GPI: variants seen among roughly 807,000 people sequenced by gnomAD.
GPI encodes the protein glucose-6-phosphate isomerase, also known as D-hexose-6-phosphate anomerase.
GPI carries 56 observed loss-of-function variants against 75.8 expected under a neutral mutation model. That is an observed-to-expected ratio of 0.74 (90% CI 0.60 to 0.92). The LOEUF is 0.92. Ranked by LOEUF, GPI falls within the 40% of genes least tolerant of loss-of-function variation. The pLI is 0.00. For synonymous variants in GPI, 288 were observed against 285.4 expected, an observed-to-expected ratio of 1.01 and a Z score of -0.09; for missense variants, 638 against 741.0, an observed-to-expected ratio of 0.86 and a Z score of 1.61.
At chr19:34,362,148 G>A (rs2074304891), upstream of GPI, among the ~76,000 whole-genome samples, 2 of 150,006 alleles carry the variant, frequency 1.3e-5, no homozygotes. Flanking sequence ...TTAGCCTGGT[G>A]AGGTGGCGGG....
At chr19:34,361,008 C>T (rs776584566), upstream of GPI, among the ~76,000 whole-genome samples, 20 of 151,980 alleles carry the variant, frequency 1.3e-4, no homozygotes, top group Non-Finnish European at 2.5e-4. Context: ...AAACTCCTGG[C>T]TTCAAGTGAT....
At position 34,399,212 on chromosome 19, in the gene GPI, C is replaced by T. The variant is rs2074986502; in HGVS notation, c.1275C>T (p.Leu425=). 1 of 1,612,998 alleles carries T rather than the reference C, an allele frequency of 6.2e-7. No homozygotes were observed. The highest frequency in any genetic ancestry group is 8.5e-7 in the Non-Finnish European group (1 of 1,179,902). ...ACTGATGTCTCGCTCATCAGATCCT[C>T]CTGGCCAACTTCTTGGCCCAGACAG... is the stretch of plus-strand genomic sequence containing the variant. ...PIRKGLHHKI[L]LANFLAQTEA... The change falls in exon 15 of 18, where the codon CTC becomes CTT. Residue 425 remains leucine, a synonymous_variant. Transcript: ENST00000356487.
chr19:34,376,563 CAAAA>C (rs35716159), intron 4 of GPI, among the ~76,000 whole-genome samples: 6 of 88,036 alleles, frequency 6.8e-5, no homozygotes, highest in Admixed American at 2.6e-4. Context: ...GACCCTGTCT[CAAAA>C]AAAAAAAAAA....
rs552424309 is a variant in GPI at position 34,399,742 on chromosome 19, G to A, written c.1498G>A (p.Val500Ile). 5.1e-5 allele frequency: 82 copies of A among 1,614,064 alleles called. 1 individual carries two copies. In the South Asian group the frequency reaches 7.4e-4, roughly 14 times the overall value. Residue 500 changes from valine to isoleucine, a missense_variant, in exon 17 of 18, where the codon GTT (valine) becomes ATT (isoleucine). Transcript: ENST00000356487. Reference protein sequence around the residue: ...LVAMYEHKIFVQGIIWDINSF... With the variant: ...LVAMYEHKIFIQGIIWDINSF... ...AGCCATGTATGAGCACAAGATCTTC[G>A]TTCAGGGCATCATCTGGGACATCAA...
At position 34,365,332 on chromosome 19, in the gene GPI, C is replaced by T. The variant is rs11549001; in HGVS notation, c.66C>T (p.Ser22=). ...AGCAATGGTACCGCGAGCACCGCTC[C>T]GAGCTGAACCTGCGCCGCCTCTTCG... ...KLQQWYREHR[S]ELNLRRLFDA... The change falls in exon 1 of 18, where the codon TCC becomes TCT. Residue 22 remains serine, a synonymous_variant. Transcript: ENST00000356487. The T allele has an allele frequency of 3.8e-6, 6 of 1,591,852 alleles. No homozygotes were observed. Among genetic ancestry groups the T allele is most frequent in the Non-Finnish European group, 4.3e-6 (5 of 1,171,134 alleles).
chr19:34,380,151 C>T (rs1450582398), intron 8 of GPI, among the ~76,000 whole-genome samples: 1 of 151,530 alleles, frequency 6.6e-6, no homozygotes, highest in African/African-American at 2.4e-5. Flanking sequence ...TGCACGCCAC[C>T]ATGCCCAGCT....
chr19:34,365,938 A>C (rs1165590443), intron 1 of GPI: 1 of 487,000 alleles, frequency 2.1e-6, no homozygotes, highest in South Asian at 1.5e-5. Flanking sequence ...GAGTGCGGCC[A>C]AGGGAGCTCT....
upstream of GPI, chr19:34,363,346 G>A (rs892834273): frequency 6.6e-6 from 1 of 152,568 alleles, no homozygotes; most frequent in Admixed American, 6.6e-5. Context: ...GGGAGTCAGT[G>A]GTTACTATTG....
At chr19:34,366,611 G>A (rs1036216785) in intron 2 of GPI, among the ~76,000 whole-genome samples, 172 bp from the exon 3 acceptor site, 3 of 152,148 alleles carry the variant, frequency 2.0e-5, no homozygotes, top group Non-Finnish European at 4.4e-5. Context: ...CAGCATCCCA[G>A]GGACCCCAGT....
chr19:34,365,177 CCG>C (rs1373542566), upstream of GPI: 1 of 1,280,868 alleles, frequency 7.8e-7, no homozygotes, highest in Non-Finnish European at 9.8e-7. Context: ...ATAAAGGCCG[CCG>C]CGCGCCCACG....
At chr19:34,372,961 A>G (rs190835028) in intron 4 of GPI, among the ~76,000 whole-genome samples, 74 of 152,088 alleles carry the variant, frequency 4.9e-4, no homozygotes, top group African/African-American at 1.6e-3. Flanking sequence ...TTTAGTAGAG[A>G]TGGAGTTTCA....
chr19:34,386,749 A>G (rs1354682862), intron 9 of GPI, among the ~76,000 whole-genome samples: 1 of 152,198 alleles, frequency 6.6e-6, no homozygotes, highest in Non-Finnish European at 1.5e-5. Context: ...AGGACTTTGT[A>G]GCTAGAGAGA....
At chr19:34,374,789 G>A (rs1460088068) in intron 4 of GPI, among the ~76,000 whole-genome samples, 11 of 150,652 alleles carry the variant, frequency 7.3e-5, no homozygotes, top group Admixed American at 7.3e-4. Flanking sequence ...GAGTGCAGTG[G>A]TGCAGTCACT....
intron 9 of GPI, among the ~76,000 whole-genome samples, chr19:34,382,859 C>T (rs1652072960): frequency 6.6e-6 from 1 of 152,172 alleles, no homozygotes; most frequent in Non-Finnish European, 1.5e-5. Flanking sequence ...GTGGAGGCCT[C>T]CTGGGCCAGG....
intron 8 of GPI, 92 bp from the exon 9 acceptor site, chr19:34,381,374 G>A (rs765248847): frequency 2.7e-5 from 24 of 877,620 alleles, no homozygotes; most frequent in Admixed American, 1.4e-4. Flanking sequence ...CTCAGCTCAC[G>A]GAGCACAGCT....
intron 9 of GPI, among the ~76,000 whole-genome samples, chr19:34,391,550 TCTGGCC>T (rs2074834060): frequency 1.8e-4 from 1 of 5,516 alleles, no homozygotes; most frequent in African/African-American, 9.1e-4. Flanking sequence ...GGAGGTAGGA[TCTGGCC>T]CTGGTATGAG....
At chr19:34,365,137 C>T (rs376573643), upstream of GPI, 449 of 1,216,370 alleles carry the variant, frequency 3.7e-4, 3 homozygotes, top group East Asian at 0.014. Context: ...AGGGGTGGGG[C>T]CGGGCCGGGC....
At position 34,366,864 on chromosome 19, in the gene GPI, C is replaced by T; in HGVS notation, c.282+13C>T. The T allele has an allele frequency of 6.3e-7, 1 of 1,592,688 alleles. No homozygotes were observed. The highest frequency in any genetic ancestry group is 8.6e-7 in the Non-Finnish European group (1 of 1,160,416). On this transcript the variant is annotated intron_variant, in intron 3 of 17. Coordinates refer to ENST00000356487, the MANE Select transcript of GPI (RefSeq NM_000175.5). ...CAACTACACCGAGGTGAGCAGGCCC[C>T]ACATACCCTCTGGGGCCTCCTTCCT...
At chr19:34,379,832 C>G in intron 8 of GPI, 1 of 591,392 alleles carries the variant, frequency 1.7e-6, no homozygotes, top group Non-Finnish European at 3.0e-6. Flanking sequence ...ACACAGAACC[C>G]TTCATACACA....
Sources: gnomAD v4.1 joint callset for allele counts (sites outside exome capture counted in the v4.1 genomes callset) on GRCh38, gnomAD v4.1.1 for gene constraint, MANE v1.5 for transcripts, NCBI Gene and HGNC (gene_info 2026-07-23, HGNC 2026-07-21) for gene names.